The following RYR2 variants were observed in gnomAD, a reference collection of about 807,000 sequenced individuals.
RYR2 encodes ryanodine receptor 2.
Under a neutral mutation model 601.1 loss-of-function variants are expected in RYR2, and 227 were observed. The ratio of observed to expected loss-of-function variants is 0.38; its 90% CI spans 0.34 to 0.42. The LOEUF (loss-of-function observed/expected upper bound fraction) is 0.42, where lower values mean the gene tolerates loss of function less well. RYR2 is among the 10% of genes least tolerant of loss of function. The probability of loss-of-function intolerance (pLI) is 1.00; values close to 1 mark genes in which losing one functional copy is unlikely to be tolerated. For missense variants in RYR2, 4,646 were observed against 6,156.5 expected, an observed-to-expected ratio of 0.75 and a Z score of 8.21; for synonymous variants, 2,223 against 2,175.1, an observed-to-expected ratio of 1.02 and a Z score of -0.61.
intron 96 of RYR2, among the ~76,000 whole-genome samples, chr1:237,797,329 T>A (rs1659376884): frequency 6.6e-6 from 1 of 151,782 alleles, no homozygotes; most frequent in Non-Finnish European, 1.5e-5. Flanking sequence ...CTATACTAGA[T>A]GCTAATTAAA....
chr1:237,129,427 T>C (rs569059021), intron 1 of RYR2, among the ~76,000 whole-genome samples: 4 of 152,210 alleles, frequency 2.6e-5, no homozygotes, highest in African/African-American at 9.6e-5. Flanking sequence ...CGGGAGAACA[T>C]GGAAATCAAG....
intron 1 of RYR2, among the ~76,000 whole-genome samples, chr1:237,118,741 C>T (rs138690120): frequency 2.0e-5 from 3 of 152,000 alleles, no homozygotes; most frequent in East Asian, 1.9e-4. Flanking sequence ...GTAGCTGGGA[C>T]TACAGGCATG....
chr1:237,454,996 G>T (rs973121605), intron 15 of RYR2, among the ~76,000 whole-genome samples: 2 of 152,136 alleles, frequency 1.3e-5, no homozygotes, highest in Non-Finnish European at 1.5e-5. Flanking sequence ...GAAGCTTCGT[G>T]TTGGGGATGG....
chr1:237,477,769 C>A (rs1661574329), intron 17 of RYR2, among the ~76,000 whole-genome samples: 1 of 152,120 alleles, frequency 6.6e-6, no homozygotes, highest in East Asian at 1.9e-4. Context: ...TTAGTTCAAT[C>A]TTCTCAAGCC....
chr1:237,538,970 G>A lies in RYR2; in HGVS notation c.2906+8460G>A, dbSNP rs144433419. 4.5e-4 allele frequency among the ~76,000 whole-genome samples: 68 copies of A among 152,168 alleles called. 1 individual carries two copies. Among genetic ancestry groups the A allele is most frequent in the African/African-American group, 1.5e-3 (63 of 41,524 alleles). ...AAGGGACTTAGTACTGACTGGATTA[G>A]GGAGAACAAGACATAGGCATAACCT... On this transcript the variant is annotated intron_variant, in intron 25 of 104. Coordinates refer to ENST00000366574, the MANE Select transcript of RYR2 (RefSeq NM_001035.3).
At chr1:237,762,452 T>G (rs560426009) in intron 84 of RYR2, among the ~76,000 whole-genome samples, 5 of 152,356 alleles carry the variant, frequency 3.3e-5, no homozygotes, top group Admixed American at 6.5e-5. Context: ...CTTCCCTGTC[T>G]TGGAATTAGA....
chr1:237,057,429 C>T (rs1662302882), intron 1 of RYR2, among the ~76,000 whole-genome samples: 1 of 152,156 alleles, frequency 6.6e-6, no homozygotes, highest in African/African-American at 2.4e-5. Context: ...TTGTGATCCA[C>T]CCACCTCAGC....
chr1:237,633,696 G>A lies in RYR2; in HGVS notation c.6674G>A (p.Ser2225Asn). Residue 2225 changes from serine to asparagine, a missense_variant, in exon 43 of 105, where the codon AGC becomes AAC. Physicochemically the swap from Ser to Asn is conservative, Grantham distance 46 (BLOSUM62 1). Around this residue, in one of 17 missense-constraint regions of RYR2, gnomAD observed 137 missense variants for 273.6 expected, o/e 0.50. Transcript: ENST00000366574. ...CATCTCAGTTATTTACTGGAAAACA[G>A]CAGTGTTGGTCTTGGTAAGTAAATG... ...FDHLSYLLEN[S>N]SVGLASPAMR... 6.2e-7 allele frequency: 1 copy of A among 1,613,112 alleles called. No individual in the cohort carries two copies.
At chr1:237,477,495 G>T (rs1351311237) in intron 17 of RYR2, among the ~76,000 whole-genome samples, 2 of 152,210 alleles carry the variant, frequency 1.3e-5, no homozygotes, top group Non-Finnish European at 2.9e-5. Flanking sequence ...AAGTTTCATT[G>T]TCAGGGACAG....
At chr1:237,766,223 C>T (rs1693837995) in intron 84 of RYR2, among the ~76,000 whole-genome samples, 2 of 152,130 alleles carry the variant, frequency 1.3e-5, no homozygotes, top group Non-Finnish European at 1.5e-5. Context: ...CCACAGAGAG[C>T]CATTAAATAC....
chr1:237,299,772 GT>G (rs372354136), intron 2 of RYR2, among the ~76,000 whole-genome samples: 181 of 152,312 alleles, frequency 1.2e-3, no homozygotes, highest in Non-Finnish European at 2.3e-3. Context: ...ATGTGGTGCT[GT>G]TATACTCCGA....
At chr1:237,507,798 C>G (rs1665424871) in intron 23 of RYR2, among the ~76,000 whole-genome samples, 1 of 152,176 alleles carries the variant, frequency 6.6e-6, no homozygotes, top group Admixed American at 6.5e-5. Flanking sequence ...AGCTCCAAGA[C>G]TGGAATCAAG....
At chr1:237,458,364 G>A (rs1416078029) in intron 16 of RYR2, among the ~76,000 whole-genome samples, 4 of 152,150 alleles carry the variant, frequency 2.6e-5, no homozygotes, top group African/African-American at 9.7e-5. Context: ...GGGAAGCAGA[G>A]GTTGCAGTGA....
intron 74 of RYR2, among the ~76,000 whole-genome samples, chr1:237,724,184 CAT>C (rs35705894): frequency 0.043 from 5,919 of 136,694 alleles, 137 homozygotes; most frequent in East Asian, 0.071. Flanking sequence ...TGTGTGTGTG[CAT>C]ATATATATAT....
chr1:237,429,050 T>G (rs2150087429), intron 12 of RYR2, among the ~76,000 whole-genome samples: 1 of 152,178 alleles, frequency 6.6e-6, no homozygotes, highest in East Asian at 1.9e-4. Flanking sequence ...CAGGGCTGAC[T>G]TGAGCGGGAC....
At chr1:237,058,578 T>G (rs1662454595) in intron 1 of RYR2, among the ~76,000 whole-genome samples, 1 of 152,226 alleles carries the variant, frequency 6.6e-6, no homozygotes, top group Non-Finnish European at 1.5e-5. Flanking sequence ...TATCTTCATC[T>G]CTTTTGTGTT....
At chr1:237,522,127 T>A (rs1824855) in intron 24 of RYR2, among the ~76,000 whole-genome samples, 6 of 151,944 alleles carry the variant, frequency 3.9e-5, no homozygotes, top group East Asian at 3.9e-4. Flanking sequence ...CCGCTCCCCC[T>A]ACCCCACAAC....
chr1:237,184,212 G>A (rs1207550797), intron 1 of RYR2, among the ~76,000 whole-genome samples: 1 of 152,082 alleles, frequency 6.6e-6, no homozygotes, highest in Non-Finnish European at 1.5e-5. Context: ...AAGACTGAGT[G>A]TGGCTGCAAA....
At chr1:237,744,966 T>C (rs1392109943) in intron 80 of RYR2, among the ~76,000 whole-genome samples, 1 of 151,778 alleles carries the variant, frequency 6.6e-6, no homozygotes, top group Admixed American at 6.6e-5. Context: ...CCGGCTAAGC[T>C]AATTTTTTGT....
Sources: allele counts gnomAD v4.1 joint callset (sites outside exome capture counted in the v4.1 genomes callset), GRCh38; gene constraint gnomAD v4.1.1; regional missense constraint gnomAD v4.1.1; transcripts MANE v1.5; gene names NCBI Gene and HGNC (gene_info 2026-07-23, HGNC 2026-07-21).